DPYD: variants seen among roughly 807,000 people sequenced by gnomAD.
DPYD encodes dihydropyrimidine dehydrogenase [NADP(+)].
A neutral mutation model predicts 116.2 loss-of-function variants in DPYD; 109 were observed. The ratio of observed to expected loss-of-function variants is 0.94; its 90% confidence interval spans 0.80 to 1.10. The LOEUF is 1.10. Ranked by LOEUF, DPYD falls within the 50% of genes least tolerant of loss-of-function variation. The pLI is 0.00. For synonymous variants in DPYD, 440 were observed against 432.0 expected (o/e 1.02, Z -0.23); for missense variants, 1,302 against 1,254.5 (o/e 1.04, Z -0.57).
intron 8 of DPYD, among the ~76,000 whole-genome samples, chr1:97,622,834 A>T (rs1334908754): frequency 6.6e-6 from 1 of 152,056 alleles, no homozygotes; most frequent in Non-Finnish European, 1.5e-5. Context: ...TATTTTATGC[A>T]GTTTCCAGTG....
At chr1:97,299,557 G>A (rs1012949006) in intron 18 of DPYD, among the ~76,000 whole-genome samples, 1 of 152,242 alleles carries the variant, frequency 6.6e-6, no homozygotes, top group South Asian at 2.1e-4. Flanking sequence ...AGGAAAGGAT[G>A]TAGACCTTGA....
At chr1:97,638,982 C>T (rs1262805088) in intron 8 of DPYD, among the ~76,000 whole-genome samples, 2 of 152,076 alleles carry the variant, frequency 1.3e-5, no homozygotes, top group Non-Finnish European at 2.9e-5. Flanking sequence ...GGTATCATAA[C>T]GGTTTCAATA....
chr1:97,917,578 G>T (rs901227005), intron 1 of DPYD, among the ~76,000 whole-genome samples: 1 of 152,110 alleles, frequency 6.6e-6, no homozygotes, highest in African/African-American at 2.4e-5. Flanking sequence ...ATTTGATTTT[G>T]TGGACAATGG....
chr1:97,278,450 T>C (rs1665096706), intron 18 of DPYD, among the ~76,000 whole-genome samples: 2 of 152,238 alleles, frequency 1.3e-5, no homozygotes, highest in South Asian at 4.1e-4. Context: ...GCCATTGTTG[T>C]TGATAATGTG....
intron 14 of DPYD, 116 bp downstream of exon 14, chr1:97,449,943 C>A (rs1570752332): frequency 6.7e-6 from 9 of 1,349,444 alleles, no homozygotes; most frequent in East Asian, 5.0e-5. Flanking sequence ...AAGCAACTGG[C>A]AGATTCTTTA....
At chr1:97,296,739 A>C (rs1180919103) in intron 18 of DPYD, among the ~76,000 whole-genome samples, 2 of 152,044 alleles carry the variant, frequency 1.3e-5, no homozygotes, top group African/African-American at 4.8e-5. Context: ...GATCCTTAAG[A>C]TGTTCAAATT....
At chr1:97,757,025 A>G (rs1571308665) in intron 3 of DPYD, among the ~76,000 whole-genome samples, 1 of 151,926 alleles carries the variant, frequency 6.6e-6, no homozygotes, top group African/African-American at 2.4e-5. Context: ...ATATCCCCAT[A>G]TTTTTCAAAC....
chr1:97,884,335 T>C (rs1466422179), intron 1 of DPYD, among the ~76,000 whole-genome samples: 3 of 152,056 alleles, frequency 2.0e-5, no homozygotes, highest in African/African-American at 7.2e-5. Context: ...TTAACATTAT[T>C]ACCTACCATC....
chr1:97,476,491 T>A (rs1023798469), intron 13 of DPYD, among the ~76,000 whole-genome samples: 7 of 152,170 alleles, frequency 4.6e-5, no homozygotes, highest in Admixed American at 3.3e-4. Context: ...TTTATACTTA[T>A]CAAGTCAGAA....
At chr1:97,322,145 T>G (rs1668323604) in intron 16 of DPYD, among the ~76,000 whole-genome samples, 3 of 140,704 alleles carry the variant, frequency 2.1e-5, no homozygotes, top group South Asian at 2.5e-4. Flanking sequence ...GATGACGCGT[T>G]AGTGGGTGCA....
At chr1:97,375,029 CAAAAAA>C (rs35693384) in intron 15 of DPYD, among the ~76,000 whole-genome samples, 4 of 116,106 alleles carry the variant, frequency 3.4e-5, no homozygotes, top group African/African-American at 1.0e-4. Context: ...ACTCCAGTTC[CAAAAAA>C]AAAAAAAAAA....
At chr1:97,092,559 C>G (rs1347896943) in intron 21 of DPYD, among the ~76,000 whole-genome samples, 1 of 152,102 alleles carries the variant, frequency 6.6e-6, no homozygotes. Context: ...CCTACTTCTT[C>G]ATAGAGTATT....
intron 3 of DPYD, among the ~76,000 whole-genome samples, chr1:97,755,573 C>T (rs189153223): frequency 2.6e-5 from 4 of 152,250 alleles, no homozygotes; most frequent in East Asian, 3.9e-4. Context: ...TTAATTCACC[C>T]CCACTGTAAA....
In DPYD at chr1:97,229,556, A is replaced by G. The variant is rs1389437887; in HGVS notation, c.2442+5296T>C. On this transcript the variant is annotated intron_variant, in intron 19 of 22. Transcript: ENST00000370192. ...TTATGACCATCCTAAGTATATATAT[A>G]TATATATATATATATATATATATAT... 3.7e-4 allele frequency among the ~76,000 whole-genome samples: 16 copies of G among 42,752 alleles called. No individual in the cohort carries two copies. In the South Asian group the frequency reaches 9.5e-3, roughly 25 times the overall value. The allele number at this position is 42,752 out of a possible 152,430, so 28.0% of individuals were successfully genotyped here.
At chr1:97,918,509 G>T (rs1187095936) in intron 1 of DPYD, among the ~76,000 whole-genome samples, 1 of 152,182 alleles carries the variant, frequency 6.6e-6, no homozygotes, top group Non-Finnish European at 1.5e-5. Context: ...CTATCTCCCA[G>T]CCCAGGGATA....
At chr1:97,650,921 TA>T (rs2100841359) in intron 8 of DPYD, among the ~76,000 whole-genome samples, 1 of 152,274 alleles carries the variant, frequency 6.6e-6, no homozygotes, top group East Asian at 1.9e-4. Context: ...CATTATATTC[TA>T]TTATTTGTCA....
chr1:97,301,589 T>TA (rs887462099), intron 18 of DPYD, among the ~76,000 whole-genome samples: 15 of 151,582 alleles, frequency 9.9e-5, no homozygotes, highest in Admixed American at 6.6e-4. Context: ...TCCCCATTAA[T>TA]AAAAAAAAGT....
At chr1:97,406,042 T>C (rs1040645773) in intron 14 of DPYD, among the ~76,000 whole-genome samples, 14 of 152,190 alleles carry the variant, frequency 9.2e-5, no homozygotes, top group Non-Finnish European at 1.8e-4. Flanking sequence ...TCCTGGAGTT[T>C]TTAACTCTCA....
chr1:97,156,875 C>T (rs1371686705), intron 20 of DPYD, among the ~76,000 whole-genome samples: 17 of 151,748 alleles, frequency 1.1e-4, no homozygotes, highest in Admixed American at 3.9e-4. Flanking sequence ...CCCAAATGTC[C>T]AACAATGATA....
Sources: gnomAD v4.1 joint callset for allele counts (sites outside exome capture counted in the v4.1 genomes callset) on GRCh38, gnomAD v4.1.1 for gene constraint, MANE v1.5 for transcripts, NCBI Gene and HGNC (gene_info 2026-07-23, HGNC 2026-07-21) for gene names.